PDLIM5: variants seen among roughly 807,000 people sequenced by gnomAD.
The protein encoded by PDLIM5 is PDZ and LIM domain 5, also known as PDZ and LIM domain protein 5.
PDLIM5 carries 34 observed loss-of-function variants against 64.2 expected under a neutral mutation model. That is an observed-to-expected ratio of 0.53 (90% CI 0.40 to 0.71). PDLIM5 has a LOEUF of 0.71. Ranked by LOEUF, PDLIM5 falls within the 30% of genes least tolerant of loss-of-function variation. The probability of loss-of-function intolerance (pLI) is 0.00; values close to 1 mark genes in which losing one functional copy is unlikely to be tolerated. For synonymous variants in PDLIM5, 253 were observed against 269.1 expected (o/e 0.94, Z 0.59); for missense variants, 683 against 733.6 (o/e 0.93, Z 0.80).
chr4:94,653,908 T>C (rs962232475), intron 9 of PDLIM5, among the ~76,000 whole-genome samples: 3 of 152,168 alleles, frequency 2.0e-5, no homozygotes, highest in Admixed American at 6.5e-5. Context: ...GAGGACTTGA[T>C]GTGTTTAGTA....
chr4:94,627,381 G>T (rs561421614), intron 8 of PDLIM5, among the ~76,000 whole-genome samples: 2 of 152,204 alleles, frequency 1.3e-5, no homozygotes, highest in Admixed American at 1.3e-4. Context: ...CTGATGCAAG[G>T]CTTCATCTGT....
In PDLIM5 at chr4:94,573,419, GT is replaced by G; in HGVS notation, c.291+27del. 3 of 1,578,126 alleles carry G rather than the reference GT, an allele frequency of 1.9e-6. No individual in the cohort carries two copies. The South Asian group carries it at 3.3e-5, about 17-fold the overall frequency. On this transcript the variant is annotated intron_variant, in intron 4 of 12. Coordinates refer to ENST00000317968, the MANE Select transcript of PDLIM5 (RefSeq NM_006457.5). ...GTGTGTTTTTAAGCTAGCACCCAGA[GT>G]ATCACTTGATTGTCCTTGCTGAGCT... is the stretch of plus-strand genomic sequence containing the variant.
chr4:94,478,890 G>GTTTTTTTTTTTTTTTTTT (rs67013211), intron 2 of PDLIM5, among the ~76,000 whole-genome samples: 6 of 94,124 alleles, frequency 6.4e-5, no homozygotes, highest in African/African-American at 2.7e-4. Context: ...TGTGCTTGGT[G>GTTTTTTTTTTTTTTTTTT]TTTTTTTTTT....
intron 11 of PDLIM5, among the ~76,000 whole-genome samples, chr4:94,658,405 A>G (rs954666098): frequency 6.6e-5 from 10 of 152,198 alleles, no homozygotes; most frequent in Admixed American, 5.2e-4. Flanking sequence ...TTCCTTCCCA[A>G]AGTCTGTAAG....
At chr4:94,495,814 A>G (rs1016539052) in intron 2 of PDLIM5, among the ~76,000 whole-genome samples, 5 of 152,280 alleles carry the variant, frequency 3.3e-5, no homozygotes, top group Admixed American at 1.3e-4. Flanking sequence ...AGAGTTTTCA[A>G]TTTTCATGGA....
At chr4:94,522,712 A>G (rs553729862) in intron 2 of PDLIM5, among the ~76,000 whole-genome samples, 5 of 152,294 alleles carry the variant, frequency 3.3e-5, no homozygotes, top group African/African-American at 1.2e-4. Context: ...CGACCTTCTG[A>G]CTTACCTAGT....
At chr4:94,478,700 AACT>A (rs1403136556) in intron 2 of PDLIM5, among the ~76,000 whole-genome samples, 1 of 152,182 alleles carries the variant, frequency 6.6e-6, no homozygotes, top group Non-Finnish European at 1.5e-5. Flanking sequence ...AAATGGTTTA[AACT>A]ACTATTACAA....
At chr4:94,581,246 T>C (rs773014885) in intron 5 of PDLIM5, among the ~76,000 whole-genome samples, 1 of 152,222 alleles carries the variant, frequency 6.6e-6, no homozygotes, top group Non-Finnish European at 1.5e-5. Flanking sequence ...TTCTAAAATA[T>C]GTAAAAATAT....
chr4:94,552,800 G>A (rs533373477), intron 3 of PDLIM5, among the ~76,000 whole-genome samples: 1 of 152,208 alleles, frequency 6.6e-6, no homozygotes, highest in Non-Finnish European at 1.5e-5. Flanking sequence ...TTAAAAAAGA[G>A]TGATCTAATT....
intron 7 of PDLIM5, chr4:94,608,059 G>A (rs1738070522): frequency 6.5e-7 from 1 of 1,527,638 alleles, no homozygotes; most frequent in East Asian, 2.5e-5. Flanking sequence ...GAAAACTTAG[G>A]TTTGACAGTG....
At chr4:94,520,636 G>C (rs954700218) in intron 2 of PDLIM5, among the ~76,000 whole-genome samples, 1 of 152,202 alleles carries the variant, frequency 6.6e-6, no homozygotes, top group Non-Finnish European at 1.5e-5. Context: ...GGAGTATTTA[G>C]TTAAGTGCTC....
chr4:94,520,480 T>C (rs138899679), intron 2 of PDLIM5, among the ~76,000 whole-genome samples: 3 of 152,304 alleles, frequency 2.0e-5, no homozygotes, highest in African/African-American at 4.8e-5. Context: ...AAAAGAGCTA[T>C]GCAAATGATG....
intron 7 of PDLIM5, among the ~76,000 whole-genome samples, chr4:94,598,702 G>A (rs928533135): frequency 6.6e-6 from 1 of 151,840 alleles, no homozygotes; most frequent in Admixed American, 6.6e-5. Context: ...GACATGCAAT[G>A]AAAAAGGAAA....
intron 2 of PDLIM5, among the ~76,000 whole-genome samples, chr4:94,469,372 G>A (rs950683843): frequency 3.9e-5 from 6 of 152,206 alleles, no homozygotes; most frequent in African/African-American, 1.4e-4. Context: ...GCCCTCTGAG[G>A]AGGCAGCATT....
rs1731963483 is a variant in PDLIM5, at chr4:94,543,035, G to T, written c.248+19160G>T. 3.9e-5 allele frequency among the ~76,000 whole-genome samples: 6 copies of T among 152,176 alleles called. No homozygotes were observed. The South Asian group carries it at 1.2e-3, about 32-fold the overall frequency. On this transcript the variant is annotated intron_variant, in intron 3 of 12. Transcript: ENST00000317968. ...CCTCATATATTTTCATTCATTAGTAGTCATTACTCGGATGAAGGTGCTTTG... is the reference window on the plus strand; with the variant it reads ...CCTCATATATTTTCATTCATTAGTATTCATTACTCGGATGAAGGTGCTTTG...
chr4:94,469,633 A>G (rs900689215), intron 2 of PDLIM5, among the ~76,000 whole-genome samples: 3 of 152,198 alleles, frequency 2.0e-5, no homozygotes, highest in African/African-American at 7.2e-5. Flanking sequence ...CCATGGTAGG[A>G]CAACTCCTGG....
At chr4:94,467,380 T>A (rs375761760) in intron 2 of PDLIM5, among the ~76,000 whole-genome samples, 1 of 150,508 alleles carries the variant, frequency 6.6e-6, no homozygotes, top group East Asian at 2.0e-4. Context: ...GGCGGCATAA[T>A]CTCAGCTCAC....
intron 3 of PDLIM5, among the ~76,000 whole-genome samples, chr4:94,530,728 T>C (rs1045633664): frequency 3.3e-5 from 5 of 152,112 alleles, no homozygotes; most frequent in Non-Finnish European, 4.4e-5. Context: ...GCCTTCCCCT[T>C]CTTCTTCATC....
chr4:94,582,118 A>C (rs564272507), intron 5 of PDLIM5, among the ~76,000 whole-genome samples: 1 of 152,192 alleles, frequency 6.6e-6, no homozygotes, highest in Admixed American at 6.5e-5. Context: ...GAAACAAGAA[A>C]AATTTCAAAT....
Sources: allele counts gnomAD v4.1 joint callset (sites outside exome capture counted in the v4.1 genomes callset), GRCh38; gene constraint gnomAD v4.1.1; transcripts MANE v1.5; gene names NCBI Gene and HGNC (gene_info 2026-07-23, HGNC 2026-07-21).